The following ITGAE variants were observed in gnomAD, a reference collection of about 807,000 sequenced individuals.
ITGAE encodes integrin alpha-E.
In ITGAE, 99 loss-of-function variants were observed where a neutral mutation model predicts 136.5. The ratio of observed to expected loss-of-function variants is 0.73; its 90% confidence interval spans 0.62 to 0.86. The LOEUF is 0.86. ITGAE is among the 40% of genes least tolerant of loss of function. ITGAE has a pLI of 0.00. For missense variants in ITGAE, 1,447 were observed against 1,515.3 expected, an observed-to-expected ratio of 0.95 and a Z score of 0.75; for synonymous variants, 613 against 591.8, an observed-to-expected ratio of 1.04 and a Z score of -0.52.
intron 26 of ITGAE, 108 bp from the exon 27 acceptor site, chr17:3,723,852 T>C (rs556249961): frequency 6.6e-7 from 1 of 1,525,586 alleles, no homozygotes; most frequent in Non-Finnish European, 8.8e-7. Flanking sequence ...GGCCGGGAGC[T>C]AGGACCCCGC....
chr17:3,780,098 C>T (rs902533991), intron 1 of ITGAE, among the ~76,000 whole-genome samples: 4 of 151,602 alleles, frequency 2.6e-5, no homozygotes, highest in African/African-American at 9.7e-5. Flanking sequence ...CTCAGCCTCC[C>T]GAGTAGCTGG....
chr17:3,765,348 CAA>C (rs66493976), intron 2 of ITGAE, among the ~76,000 whole-genome samples: 3 of 63,756 alleles, frequency 4.7e-5, no homozygotes, highest in South Asian at 8.1e-4. Context: ...GACTCTGTCT[CAA>C]AAAAAAAAAA....
At chr17:3,793,676 G>A (rs2052994948) in intron 1 of ITGAE, among the ~76,000 whole-genome samples, 1 of 152,216 alleles carries the variant, frequency 6.6e-6, no homozygotes, top group African/African-American at 2.4e-5. Flanking sequence ...GGTCTCTGGA[G>A]TAGCTGGGAC....
intron 5 of ITGAE, 108 bp downstream of exon 5, chr17:3,761,295 C>G: frequency 1.9e-6 from 3 of 1,545,130 alleles, no homozygotes; most frequent in Non-Finnish European, 2.6e-6. Context: ...TGCCTTGCTC[C>G]ACTGTGGGCC....
intron 1 of ITGAE, among the ~76,000 whole-genome samples, chr17:3,782,298 A>C (rs7218221): frequency 0.74 from 75,576 of 101,942 alleles, 29,842 homozygotes; most frequent in African/African-American, 0.92. Context: ...AAAAAAAAAA[A>C]AAAGCATGGT....
At chr17:3,741,773 T>A (rs577809309) in intron 19 of ITGAE, among the ~76,000 whole-genome samples, 63 of 152,126 alleles carry the variant, frequency 4.1e-4, no homozygotes, top group Non-Finnish European at 8.8e-4. Flanking sequence ...TCTGTGATAT[T>A]CCTGACAAAA....
Position 3,753,925 on chromosome 17 carries a change from C to G in ITGAE, c.1385G>C (p.Gly462Ala), listed in dbSNP as rs751394621. 1.9e-5 allele frequency: 30 copies of G among 1,613,640 alleles called. No homozygotes were observed. The highest frequency in any genetic ancestry group is 2.4e-5 in the Non-Finnish European group (28 of 1,179,858). The stretch of plus-strand genomic sequence containing the variant: ...CTTGTGCAGCACGGCCACAGCGTAA[C>G]CTGGGGCAAGGGTGGTGTGGCTGTG... ...DAEAAQYSYL[G>A]YAVAVLHKTC... Residue 462 changes from glycine (G) to alanine (A), a missense_variant and splice_region_variant, in exon 13 of 31, where the codon GGT becomes GCT. Physicochemically the swap from Gly to Ala is moderately conservative, Grantham distance 60. This residue lies in a region of ITGAE where 1,031 missense variants were observed against 1,011.4 expected (regional missense o/e 1.02). Transcript: ENST00000263087.
intron 19 of ITGAE, among the ~76,000 whole-genome samples, chr17:3,742,438 A>G (rs1323271385): frequency 6.7e-6 from 1 of 148,616 alleles, no homozygotes; most frequent in Non-Finnish European, 1.5e-5. Context: ...TTTAGGAAAT[A>G]TATATTGAAG....
At chr17:3,786,308 G>T (rs2052797044) in intron 1 of ITGAE, among the ~76,000 whole-genome samples, 1 of 151,846 alleles carries the variant, frequency 6.6e-6, no homozygotes, top group African/African-American at 2.4e-5. Flanking sequence ...ACCTGAGTAA[G>T]ATATTTTACT....
intron 30 of ITGAE, among the ~76,000 whole-genome samples, chr17:3,716,119 C>T (rs1403602430): frequency 6.6e-6 from 1 of 151,146 alleles, no homozygotes; most frequent in Non-Finnish European, 1.5e-5. Context: ...TGCAGTGAGC[C>T]GAGATCGCAC....
intron 26 of ITGAE, chr17:3,725,370 C>T: frequency 6.2e-7 from 1 of 1,614,194 alleles, no homozygotes; most frequent in Middle Eastern, 1.6e-4. Context: ...TAGCCATTGC[C>T]TTCCCACAGA....
chr17:3,723,296 A>T lies in ITGAE; in HGVS notation c.3229T>A (p.Ser1077Thr). Residue 1077 changes from serine (S) to threonine (T), a missense_variant, in exon 28 of 31, where the codon TCT becomes ACT. By Grantham distance (58) the Ser-to-Thr change is moderately conservative. Transcript: ENST00000263087. ...TVAAEISWDH[S>T]EELLKDVTEL... ...ATTTCAGTCTCAAACACCTCCTCAG[A>T]GTGATCCCAGGAGATCTCTGCAGCC... 6.2e-7 allele frequency: 1 copy of T among 1,609,750 alleles called. No homozygotes were observed.
intron 21 of ITGAE, among the ~76,000 whole-genome samples, chr17:3,733,257 T>G (rs9915324): frequency 0.5 from 76,283 of 151,826 alleles, 20,649 homozygotes; most frequent in Non-Finnish European, 0.62. Flanking sequence ...AGTGATGGGA[T>G]TACAGCCGTG....
chr17:3,724,834 G>A, intron 26 of ITGAE: 2 of 1,614,144 alleles, frequency 1.2e-6, no homozygotes, highest in Non-Finnish European at 1.7e-6. Context: ...CAGGACTCTT[G>A]TCAAGAGAGA....
At chr17:3,785,688 C>T (rs11653322) in intron 1 of ITGAE, among the ~76,000 whole-genome samples, 6,833 of 151,574 alleles carry the variant, frequency 0.045, 223 homozygotes, top group East Asian at 0.14. Flanking sequence ...GATATGAACA[C>T]GTATCAATGA....
Position 3,724,197 on chromosome 17 carries a change from C to T in ITGAE, c.3085-453G>A, listed in dbSNP as rs765805532. ...GCGGAGGCGTCCCGGCGGCCGAGTG[C>T]CCAAGGACCGGCCCAGCCTGACCGT... On this transcript the variant is annotated intron_variant, in intron 26 of 30. Coordinates refer to ENST00000263087, the MANE Select transcript of ITGAE (RefSeq NM_002208.5). 1.4e-5 allele frequency: 22 copies of T among 1,593,060 alleles called. No homozygotes were observed. The Admixed American group carries it at 2.9e-4, about 21-fold the overall frequency.
chr17:3,748,181 A>C (rs1046901097), intron 16 of ITGAE, 129 bp from the exon 17 acceptor site: 1 of 909,020 alleles, frequency 1.1e-6, no homozygotes, highest in Non-Finnish European at 1.6e-6. Flanking sequence ...CCTGAGTCTC[A>C]GGGTACAGTG....
intron 16 of ITGAE, among the ~76,000 whole-genome samples, chr17:3,748,888 A>G (rs1405236858): frequency 6.6e-6 from 1 of 152,204 alleles, no homozygotes; most frequent in African/African-American, 2.4e-5. Flanking sequence ...CAGGCCACGA[A>G]GAGCCCTGTA....
chr17:3,764,065 C>T, intron 2 of ITGAE, 105 bp from the exon 3 acceptor site: 1 of 744,248 alleles, frequency 1.3e-6, no homozygotes, highest in Non-Finnish European at 2.2e-6. Context: ...TCACAAGCTC[C>T]CTGTCTGGCC....
Sources: allele counts gnomAD v4.1 joint callset (sites outside exome capture counted in the v4.1 genomes callset), GRCh38; gene constraint gnomAD v4.1.1; regional missense constraint gnomAD v4.1.1; transcripts MANE v1.5; gene names NCBI Gene and HGNC (gene_info 2026-07-23, HGNC 2026-07-21).